GNAL: variants seen among roughly 807,000 people sequenced by gnomAD.
GNAL encodes G protein subunit alpha L, also known as guanine nucleotide-binding protein G(olf) subunit alpha.
In GNAL, 18 loss-of-function variants were observed where a neutral mutation model predicts 55.1. The observed-to-expected ratio is 0.33, with a 90% CI of 0.23 to 0.48. The LOEUF (loss-of-function observed/expected upper bound fraction) is 0.48, where lower values mean the gene tolerates loss of function less well. Ranked by LOEUF, GNAL falls within the 20% of genes least tolerant of loss-of-function variation. GNAL has a pLI of 0.99. For synonymous variants in GNAL, 253 were observed against 237.0 expected (o/e 1.07, Z -0.62); for missense variants, 412 against 614.1 (o/e 0.67, Z 3.48).
intron 1 of GNAL, among the ~76,000 whole-genome samples, chr18:11,690,248 T>C (rs966070773): frequency 6.6e-6 from 1 of 152,106 alleles, no homozygotes; most frequent in Non-Finnish European, 1.5e-5. Flanking sequence ...TCCCCCTCGA[T>C]TGATCACCTT....
intron 5 of GNAL, among the ~76,000 whole-genome samples, chr18:11,842,313 G>A (rs1336359959): frequency 6.6e-6 from 1 of 152,092 alleles, no homozygotes; most frequent in Non-Finnish European, 1.5e-5. Flanking sequence ...ATGACTTGGT[G>A]TAGCGGCCCC....
At chr18:11,695,918 GCATGCA>G (rs1227853837) in intron 1 of GNAL, among the ~76,000 whole-genome samples, 26 of 147,690 alleles carry the variant, frequency 1.8e-4, no homozygotes, top group Middle Eastern at 3.4e-3. Context: ...ATGCATGCAC[GCATGCA>G]CACACACACA....
chr18:11,845,438 T>TAAA (rs59734555), intron 5 of GNAL, among the ~76,000 whole-genome samples: 2 of 148,960 alleles, frequency 1.3e-5, no homozygotes, highest in African/African-American at 4.9e-5. Flanking sequence ...TTCTTGAAAA[T>TAAA]AAAAAAAAAA....
chr18:11,843,566 G>A (rs1279779951), intron 5 of GNAL, among the ~76,000 whole-genome samples: 1 of 151,866 alleles, frequency 6.6e-6, no homozygotes, highest in Non-Finnish European at 1.5e-5. Context: ...AAAAAGGAAA[G>A]AAATAAAGAG....
chr18:11,812,349 G>T (rs1467632771), intron 4 of GNAL, among the ~76,000 whole-genome samples: 1 of 152,150 alleles, frequency 6.6e-6, no homozygotes, highest in Non-Finnish European at 1.5e-5. Flanking sequence ...GGCTATGAAG[G>T]TCCCTTGGCT....
intron 4 of GNAL, among the ~76,000 whole-genome samples, chr18:11,788,726 C>A (rs113881658): frequency 0.099 from 14,861 of 150,014 alleles, 1,574 homozygotes; most frequent in African/African-American, 0.26. Context: ...GGTGAAACCC[C>A]GTCTCTACTA....
rs766473372 is a variant in GNAL, at chr18:11,881,104, G to A, written c.1346G>A (p.Arg449Gln). The A allele has an allele frequency of 2.5e-6, 4 of 1,612,206 alleles. No homozygotes were observed. The highest frequency in any genetic ancestry group is 2.5e-6 in the Non-Finnish European group (3 of 1,179,154). The stretch of plus-strand genomic sequence containing the variant: ...AACGACTGCCGCGACATCATCCAGC[G>A]GATGCACCTCAAGCAGTATGAGCTC... ...VFNDCRDIIQ[R>Q]MHLKQYELL Residue 449 changes from arginine to glutamine, a missense_variant, in exon 12 of 12, where the codon CGG becomes CAG. Physicochemically the swap from Arg to Gln is conservative, Grantham distance 43 (BLOSUM62 1). Transcript: ENST00000334049. The surrounding 1 kb of genome is among the most constrained non-coding windows in gnomAD (Gnocchi z 4.8).
At chr18:11,843,955 G>T (rs1022509927) in intron 5 of GNAL, among the ~76,000 whole-genome samples, 1 of 151,442 alleles carries the variant, frequency 6.6e-6, no homozygotes. Flanking sequence ...CCTGGGCAAC[G>T]GGAGTGAAAC....
intron 4 of GNAL, among the ~76,000 whole-genome samples, chr18:11,800,458 G>A (rs1004280937): frequency 1.3e-5 from 2 of 152,188 alleles, no homozygotes; most frequent in South Asian, 2.1e-4. Flanking sequence ...GGATGGGCTC[G>A]TGATGGATAC....
chr18:11,760,005 G>T (rs1390001318), intron 4 of GNAL, among the ~76,000 whole-genome samples: 3 of 151,836 alleles, frequency 2.0e-5, no homozygotes, highest in African/African-American at 7.3e-5. Flanking sequence ...GACCATTCCT[G>T]CCCAGTACCT....
chr18:11,696,504 C>CA (rs34232060), intron 1 of GNAL, among the ~76,000 whole-genome samples: 37,737 of 121,576 alleles, frequency 0.31, 8,051 homozygotes, highest in African/African-American at 0.62. Context: ...GACTCCGCCT[C>CA]AAAAAAAAAA....
intron 8 of GNAL, among the ~76,000 whole-genome samples, chr18:11,867,586 G>A (rs140838640): frequency 0.012 from 1,757 of 151,890 alleles, 34 homozygotes; most frequent in African/African-American, 0.041. Flanking sequence ...AGGCCGAGGC[G>A]GGCAGATCAC....
chr18:11,842,284 T>C (rs566229546), intron 5 of GNAL, among the ~76,000 whole-genome samples: 2 of 152,254 alleles, frequency 1.3e-5, no homozygotes, highest in South Asian at 4.1e-4. Context: ...CTCGGCCTAG[T>C]TCAGATATCT....
chr18:11,873,090 C>T (rs750418295), intron 10 of GNAL, among the ~76,000 whole-genome samples: 8 of 152,204 alleles, frequency 5.3e-5, no homozygotes, highest in Non-Finnish European at 8.8e-5. Flanking sequence ...GCTTACACTT[C>T]AGTTTCCAGT....
chr18:11,690,278 G>T (rs1479744323), intron 1 of GNAL, among the ~76,000 whole-genome samples: 1 of 152,096 alleles, frequency 6.6e-6, no homozygotes, highest in Non-Finnish European at 1.5e-5. Context: ...CGAATCCCCG[G>T]GGATGTCTAC....
chr18:11,791,204 G>A (rs974474015), intron 4 of GNAL, among the ~76,000 whole-genome samples: 1 of 152,176 alleles, frequency 6.6e-6, no homozygotes, highest in Non-Finnish European at 1.5e-5. Context: ...TTAAGCCATG[G>A]CTAGGATCCT....
chr18:11,776,365 G>T (rs1188014513), intron 4 of GNAL, among the ~76,000 whole-genome samples: 1 of 152,108 alleles, frequency 6.6e-6, no homozygotes, highest in Non-Finnish European at 1.5e-5. Flanking sequence ...GTTCACACTT[G>T]TAAGAGCGTC....
chr18:11,826,463 A>AG (rs1237549599), intron 5 of GNAL, among the ~76,000 whole-genome samples: 2 of 152,176 alleles, frequency 1.3e-5, no homozygotes, highest in African/African-American at 4.8e-5. Context: ...AGACACCCCC[A>AG]GGGCTGAAGA....
In GNAL at chr18:11,783,601, G is replaced by C. The variant is rs554824917; in HGVS notation, c.624+29656G>C. On this transcript the variant is annotated intron_variant, in intron 4 of 11. Transcript: ENST00000334049. Reference sequence around the variant, plus strand: ...AACATAGAAAATAGAAATAAAATGTGAGCCACCAATGCAATCCACCTATGT... The same window carrying C: ...AACATAGAAAATAGAAATAAAATGTCAGCCACCAATGCAATCCACCTATGT... 4.6e-5 allele frequency among the ~76,000 whole-genome samples: 7 copies of C among 152,186 alleles called. No individual in the cohort carries two copies. The East Asian group carries it at 1.3e-3, about 29-fold the overall frequency.
Sources: gnomAD v4.1 joint callset for allele counts (sites outside exome capture counted in the v4.1 genomes callset) on GRCh38, gnomAD v4.1.1 for gene constraint, Gnocchi (gnomAD v3.1) non-coding constraint, MANE v1.5 for transcripts, NCBI Gene and HGNC (gene_info 2026-07-23, HGNC 2026-07-21) for gene names.